Variants in CUL2 observed in about 807,000 individuals in gnomAD.
The protein encoded by CUL2 is cullin 2, also known as cullin-2.
A neutral mutation model predicts 110.2 loss-of-function variants in CUL2; 22 were observed. The observed-to-expected ratio is 0.20, with a 90% CI of 0.14 to 0.28. The LOEUF (loss-of-function observed/expected upper bound fraction) is 0.28. Among genes scored for constraint, CUL2 ranks in the 10% least tolerant of loss-of-function variants. CUL2 has a pLI of 1.00. For missense variants in CUL2, 631 were observed against 905.5 expected (o/e 0.70, Z 3.89); for synonymous variants, 279 against 293.2 (o/e 0.95, Z 0.49).
chr10:35,013,660 T>C, intron 19 of CUL2, 39 bp downstream of exon 19: 1 of 1,327,188 alleles, frequency 7.5e-7, no homozygotes, highest in Non-Finnish European at 1.1e-6. Context: ...TGCTTAAATG[T>C]TTCCCCCTCA....
chr10:35,023,758 G>GA (rs111869437), intron 17 of CUL2, among the ~76,000 whole-genome samples: 49,608 of 150,376 alleles, frequency 0.33, 8,065 homozygotes, highest in South Asian at 0.35. Context: ...TTTTCTTAGG[G>GA]GAAAAAAAAA....
At chr10:35,083,871 A>T (rs566320871) in intron 1 of CUL2, among the ~76,000 whole-genome samples, 2 of 152,340 alleles carry the variant, frequency 1.3e-5, no homozygotes, top group African/African-American at 2.4e-5. Flanking sequence ...AGATATTTTT[A>T]AAAATTTACA....
intron 1 of CUL2, among the ~76,000 whole-genome samples, chr10:35,083,924 TAGAG>T (rs1392500215): frequency 1.3e-5 from 2 of 152,096 alleles, no homozygotes; most frequent in Non-Finnish European, 2.9e-5. Flanking sequence ...CAACCTACAA[TAGAG>T]AAAGACTAAG....
chr10:35,062,307 G>A (rs2086403704), intron 3 of CUL2, among the ~76,000 whole-genome samples: 1 of 152,016 alleles, frequency 6.6e-6, no homozygotes, highest in Non-Finnish European at 1.5e-5. Context: ...ATTTTGGGAA[G>A]ACTTCATATA....
upstream of CUL2, among the ~76,000 whole-genome samples, chr10:35,091,165 C>T (rs532297844): frequency 1.3e-4 from 20 of 152,298 alleles, no homozygotes; most frequent in African/African-American, 4.6e-4. Flanking sequence ...AATTACTCAT[C>T]ACCTCCTCAT....
chr10:35,038,043 C>T (rs529328281), intron 9 of CUL2, among the ~76,000 whole-genome samples: 1 of 152,112 alleles, frequency 6.6e-6, no homozygotes, highest in South Asian at 2.1e-4. Context: ...ATCCCAGCTA[C>T]TTGGGAGGCT....
intron 1 of CUL2, chr10:35,074,304 T>TCTC: frequency 1.0e-6 from 1 of 953,318 alleles, no homozygotes; most frequent in Non-Finnish European, 1.6e-6. Context: ...CCAAGCTTCC[T>TCTC]CTCCTCCTGG....
chr10:35,022,828 C>T (rs1422159194), intron 17 of CUL2, among the ~76,000 whole-genome samples: 3 of 152,036 alleles, frequency 2.0e-5, no homozygotes, highest in Non-Finnish European at 4.4e-5. Context: ...GGGTGGATCA[C>T]GAGGTCAGGC....
In CUL2 at chr10:35,100,074, G is replaced by A. The variant is rs576798757; in HGVS notation, c.167+770C>T. ...TCCTGTCTTGGCCTCCCAAAGTGCT[G>A]GAATTATAGGCATGAGCTACTGTGC... is the stretch of plus-strand genomic sequence containing the variant. On this transcript the variant is annotated intron_variant, in intron 2 of 5. Transcript: ENST00000685421. Among the ~76,000 whole-genome samples the A allele has an allele frequency of 2.6e-5, 4 of 151,828 alleles. No individual in the cohort carries two copies. The South Asian group carries it at 8.3e-4, about 32-fold the overall frequency.
chr10:35,063,203 TGAC>T, intron 2 of CUL2, 141 bp from the exon 3 acceptor site: 1 of 523,504 alleles, frequency 1.9e-6, no homozygotes, highest in Non-Finnish European at 3.4e-6. Flanking sequence ...GTTGTATATA[TGAC>T]AAGATAGAAT....
chr10:35,081,259 C>G (rs983453862), intron 1 of CUL2, among the ~76,000 whole-genome samples: 2 of 151,980 alleles, frequency 1.3e-5, no homozygotes, highest in African/African-American at 4.8e-5. Flanking sequence ...AAAAATAAAC[C>G]CACTGCACCA....
At chr10:35,113,993 C>T (rs1333008471) in intron 1 of CUL2, among the ~76,000 whole-genome samples, 1 of 151,646 alleles carries the variant, frequency 6.6e-6, no homozygotes, top group Non-Finnish European at 1.5e-5. Context: ...CTGCAAGCTC[C>T]ATCTCCTGGA....
At chr10:35,055,153 T>C (rs544809749) in intron 4 of CUL2, among the ~76,000 whole-genome samples, 22 of 152,362 alleles carry the variant, frequency 1.4e-4, no homozygotes, top group African/African-American at 4.8e-4. Context: ...AAATAAAACA[T>C]GGAGAAAGGA....
rs1204790773 is a variant in CUL2, at chr10:35,049,215, C to G, written c.506+468G>C. On this transcript the variant is annotated intron_variant, in intron 6 of 20. Coordinates refer to ENST00000374749, the MANE Select transcript of CUL2 (RefSeq NM_003591.4). The stretch of plus-strand genomic sequence containing the variant: ...TCTGAGCCATGGGTAGAGTGGGAAA[C>G]CATTTTCCCATAAATTTATCTCACA... Among the ~76,000 whole-genome samples, 4 of 152,190 alleles carry G rather than the reference C, an allele frequency of 2.6e-5. No individual in the cohort carries two copies. In the South Asian group the frequency reaches 6.2e-4, roughly 24 times the overall value.
At chr10:35,088,641 G>C (rs1444838412) in intron 1 of CUL2, among the ~76,000 whole-genome samples, 2 of 151,414 alleles carry the variant, frequency 1.3e-5, no homozygotes, top group Non-Finnish European at 2.9e-5. Context: ...TGACTTTAAA[G>C]AAGGTCCATA....
rs746430187 is a variant in CUL2 at position 35,031,485 on chromosome 10, A to C, written c.1299+6T>G. The C allele has an allele frequency of 1.2e-6, 2 of 1,613,712 alleles. No individual in the cohort carries two copies. Among genetic ancestry groups the C allele is most frequent in the South Asian group, 2.2e-5 (2 of 91,024 alleles). On this transcript the variant is annotated splice_donor_region_variant and intron_variant, in intron 13 of 20. Transcript: ENST00000374749. This position sits in a 1 kb window ranked among gnomAD's most constrained non-coding sequence, Gnocchi z 4.4. ...TACAAATGAAACTTTTCTGTTCACA[A>C]CATACCTTTTGAAAGACGTCCTTGT...
At chr10:35,106,242 G>C (rs2087453396) in intron 1 of CUL2, among the ~76,000 whole-genome samples, 1 of 152,006 alleles carries the variant, frequency 6.6e-6, no homozygotes, top group Non-Finnish European at 1.5e-5. Flanking sequence ...CCACAGAGGG[G>C]CCTTCACCAG....
chr10:35,094,276 C>T (rs981281485), upstream of CUL2, among the ~76,000 whole-genome samples: 59 of 151,658 alleles, frequency 3.9e-4, 1 homozygote, highest in South Asian at 2.1e-4. Flanking sequence ...GCTCTTGTTG[C>T]CCAGGCTGGA....
chr10:35,032,893 T>C (rs2085512955), intron 11 of CUL2, among the ~76,000 whole-genome samples: 2 of 152,114 alleles, frequency 1.3e-5, no homozygotes, highest in Admixed American at 1.3e-4. Context: ...AAATCAGTAC[T>C]AAAAATTGCA....
Sources: gnomAD v4.1 joint callset for allele counts (sites outside exome capture counted in the v4.1 genomes callset) on GRCh38, gnomAD v4.1.1 for gene constraint, Gnocchi (gnomAD v3.1) non-coding constraint, MANE v1.5 for transcripts, NCBI Gene and HGNC (gene_info 2026-07-23, HGNC 2026-07-21) for gene names.